CHN1: variants seen among roughly 807,000 people sequenced by gnomAD.
CHN1 encodes the protein chimerin 1.
Under a neutral mutation model 59.5 loss-of-function variants are expected in CHN1, and 37 were observed. The observed-to-expected ratio is 0.62, with a 90% CI of 0.48 to 0.82. CHN1 has a LOEUF of 0.82. Ranked by LOEUF, CHN1 falls within the 40% of genes least tolerant of loss-of-function variation. The pLI is 0.00. For synonymous variants in CHN1, 206 were observed against 200.4 expected, an observed-to-expected ratio of 1.03 and a Z score of -0.24; for missense variants, 469 against 571.0, an observed-to-expected ratio of 0.82 and a Z score of 1.82.
At chr2:174,926,457 T>G (rs951741448) in intron 3 of CHN1, among the ~76,000 whole-genome samples, 1 of 152,160 alleles carries the variant, frequency 6.6e-6, no homozygotes, top group Non-Finnish European at 1.5e-5. Flanking sequence ...AAAGTCAAGC[T>G]GAGAACTGCA....
chr2:174,977,093 T>A lies in CHN1; in HGVS notation c.20-24891A>T, dbSNP rs78790133. Among the ~76,000 whole-genome samples the A allele has an allele frequency of 5.0e-3, 759 of 152,246 alleles. 5 individuals are homozygous for A. The highest frequency in any genetic ancestry group is 0.017 in the African/African-American group (722 of 41,564). ...ATGAAATTCACCTTAGACAACTAGG[T>A]TGGCAAACTTCTGTGAAGTTTCAGA... On this transcript the variant is annotated intron_variant, in intron 1 of 12. Coordinates refer to ENST00000409900, the MANE Select transcript of CHN1 (RefSeq NM_001822.7).
chr2:174,802,647 CTG>C (rs779109402), intron 11 of CHN1, among the ~76,000 whole-genome samples: 17 of 152,316 alleles, frequency 1.1e-4, no homozygotes, highest in Non-Finnish European at 2.2e-4. Flanking sequence ...ATTTGTATAA[CTG>C]AAAACAATTA....
At chr2:174,804,829 C>T (rs1268916239) in intron 11 of CHN1, among the ~76,000 whole-genome samples, 1 of 152,194 alleles carries the variant, frequency 6.6e-6, no homozygotes, top group African/African-American at 2.4e-5. Flanking sequence ...AACATGCTGA[C>T]TGTGGATTAA....
intron 1 of CHN1, among the ~76,000 whole-genome samples, chr2:174,966,008 C>A (rs995097175): frequency 6.6e-6 from 1 of 152,114 alleles, no homozygotes; most frequent in Non-Finnish European, 1.5e-5. Context: ...ATAACATACA[C>A]GATTCTAAAC....
At chr2:174,922,968 T>A (rs775976482) in intron 3 of CHN1, among the ~76,000 whole-genome samples, 1 of 152,112 alleles carries the variant, frequency 6.6e-6, no homozygotes, top group Non-Finnish European at 1.5e-5. Flanking sequence ...TCTGGAAGTA[T>A]GCATACCAAA....
chr2:174,813,801 C>A (rs1685151755), intron 8 of CHN1, among the ~76,000 whole-genome samples: 1 of 152,146 alleles, frequency 6.6e-6, no homozygotes, highest in African/African-American at 2.4e-5. Context: ...GAAAATCATA[C>A]AACGCCATTC....
intron 5 of CHN1, among the ~76,000 whole-genome samples, chr2:174,895,045 G>A (rs536143779): frequency 1.5e-3 from 185 of 122,282 alleles, no homozygotes; most frequent in African/African-American, 4.0e-3. Flanking sequence ...ACACACACAC[G>A]CGCGCACACA....
chr2:174,909,360 C>G (rs1688625276), intron 5 of CHN1, among the ~76,000 whole-genome samples: 1 of 152,178 alleles, frequency 6.6e-6, no homozygotes, highest in African/African-American at 2.4e-5. Context: ...CCTTCCAGAA[C>G]AAGCTGACCC....
intron 4 of CHN1, among the ~76,000 whole-genome samples, chr2:174,915,832 G>A (rs1301155470): frequency 6.6e-6 from 1 of 151,922 alleles, no homozygotes; most frequent in African/African-American, 2.4e-5. Flanking sequence ...ATAAAACACT[G>A]AAAAAAATGT....
chr2:174,968,991 C>T (rs1323584585), intron 1 of CHN1, among the ~76,000 whole-genome samples: 1 of 152,082 alleles, frequency 6.6e-6, no homozygotes, highest in Non-Finnish European at 1.5e-5. Flanking sequence ...TGCAGAAATA[C>T]TAATGTGTGA....
intron 8 of CHN1, among the ~76,000 whole-genome samples, chr2:174,822,979 T>C (rs1454617835): frequency 6.6e-6 from 1 of 152,204 alleles, no homozygotes; most frequent in Non-Finnish European, 1.5e-5. Context: ...CCTTATTACA[T>C]TTTAGTGATA....
At chr2:174,944,687 G>A (rs914609723) in intron 3 of CHN1, among the ~76,000 whole-genome samples, 5 of 152,152 alleles carry the variant, frequency 3.3e-5, no homozygotes, top group African/African-American at 1.2e-4. Context: ...ATTCTATACT[G>A]TGTTCCAAAC....
intron 1 of CHN1, among the ~76,000 whole-genome samples, chr2:174,958,830 A>G (rs1690304549): frequency 6.6e-6 from 1 of 152,166 alleles, no homozygotes; most frequent in Admixed American, 6.5e-5. Flanking sequence ...GCCTTCACCA[A>G]AAGTTATTCT....
chr2:174,948,145 T>C (rs905706158), intron 2 of CHN1, among the ~76,000 whole-genome samples: 1 of 152,200 alleles, frequency 6.6e-6, no homozygotes, highest in African/African-American at 2.4e-5. Context: ...GAAGTCAAAA[T>C]TGGTCCACAT....
chr2:174,835,942 A>G (rs1256689550), intron 7 of CHN1, among the ~76,000 whole-genome samples: 3 of 152,142 alleles, frequency 2.0e-5, no homozygotes, highest in African/African-American at 2.4e-5. Context: ...TGGTTTCCCA[A>G]TAGTTTCTTC....
intron 10 of CHN1, chr2:174,810,781 T>C (rs1048408076): frequency 6.6e-6 from 1 of 152,262 alleles, no homozygotes; most frequent in Non-Finnish European, 1.5e-5. Flanking sequence ...GTTTGTGTGA[T>C]AGAACTAGAA....
intron 6 of CHN1, among the ~76,000 whole-genome samples, chr2:174,848,510 T>C (rs1397564051): frequency 6.6e-6 from 1 of 152,192 alleles, no homozygotes; most frequent in African/African-American, 2.4e-5. Flanking sequence ...AAACCAATTA[T>C]GCCAATGTTA....
In CHN1 at chr2:174,802,385, T is replaced by C. The variant is rs541235195; in HGVS notation, c.1103-573A>G. ...CATTACACTGTTTTAAATTACTTTG[T>C]TTTATATAAAAAAATCAAATCTACC... On this transcript the variant is annotated intron_variant, in intron 11 of 12. Transcript: ENST00000409900. Among the ~76,000 whole-genome samples, 7 of 152,328 alleles carry C rather than the reference T, an allele frequency of 4.6e-5. No homozygotes were observed. In the East Asian group the frequency reaches 1.2e-3, roughly 25 times the overall value.
intron 11 of CHN1, 44 bp downstream of exon 11, chr2:174,808,861 G>C (rs748110060): frequency 1.9e-6 from 3 of 1,602,946 alleles, no homozygotes; most frequent in Non-Finnish European, 2.6e-6. Flanking sequence ...TGATTACCAA[G>C]AGGACGTTGT....
Sources: gnomAD v4.1 joint callset for allele counts (sites outside exome capture counted in the v4.1 genomes callset) on GRCh38, gnomAD v4.1.1 for gene constraint, MANE v1.5 for transcripts, NCBI Gene and HGNC (gene_info 2026-07-23, HGNC 2026-07-21) for gene names.